The following CELF4 variants were observed in gnomAD, a reference collection of about 807,000 sequenced individuals.
CELF4 encodes the protein CUG-BP- and ETR-3-like factor 4.
Under a neutral mutation model 59.9 loss-of-function variants are expected in CELF4, and 18 were observed. That is an observed-to-expected ratio of 0.30 (90% CI 0.21 to 0.45). The LOEUF is 0.45. Ranked by LOEUF, CELF4 falls within the 20% of genes least tolerant of loss-of-function variation. The pLI is 1.00. For missense variants in CELF4, 456 were observed against 689.0 expected (o/e 0.66, Z 3.79); for synonymous variants, 261 against 267.1 (o/e 0.98, Z 0.22).
At position 37,243,616 on chromosome 18, in the gene CELF4, A is replaced by AAAG. The variant is rs1467800855; in HGVS notation, c.*1623_*1625dup. The AAAG allele has an allele frequency of 6.6e-6, 1 of 152,242 alleles. No individual in the cohort carries two copies. The highest frequency in any genetic ancestry group is 1.5e-5 in the Non-Finnish European group (1 of 68,052). The allele number at this position is 152,242 out of a possible 1,614,324, so 9.4% of individuals were successfully genotyped here. On this transcript the variant is annotated 3_prime_UTR_variant, in exon 13 of 13. Coordinates refer to ENST00000420428, the MANE Select transcript of CELF4 (RefSeq NM_020180.4). ...GTTTTTTTCTCTATCATTACAATTA[A>AAAG]AAGTCCTACAAAATATGCAAATTTA...
At chr18:37,266,173 T>A (rs369344064) in intron 9 of CELF4, 7 of 405,896 alleles carry the variant, frequency 1.7e-5, no homozygotes, top group Admixed American at 4.0e-5. Flanking sequence ...AGCATCCAGG[T>A]CCAGCCTCGC....
At chr18:37,558,352 C>T (rs921697087) in intron 1 of CELF4, among the ~76,000 whole-genome samples, 5 of 148,898 alleles carry the variant, frequency 3.4e-5, no homozygotes, top group African/African-American at 1.2e-4. Flanking sequence ...ACTGGAAATT[C>T]CTCTGCAGCT....
At chr18:37,387,325 C>G (rs993916684) in intron 2 of CELF4, among the ~76,000 whole-genome samples, 1 of 152,216 alleles carries the variant, frequency 6.6e-6, no homozygotes, top group Non-Finnish European at 1.5e-5. Context: ...ACCAGCAGAG[C>G]AGCAAGGGGC....
rs1410526079 is a variant in CELF4 at position 37,271,330 on chromosome 18, C to T, written c.950-413G>A. Among the ~76,000 whole-genome samples the T allele has an allele frequency of 4.1e-5, 6 of 144,938 alleles. No individual in the cohort carries two copies. In the South Asian group the frequency reaches 1.1e-3, roughly 27 times the overall value. Reference sequence around the variant, plus strand: ...AGTACAGTGGTGCAATCTCAGCTCACTGCAACCTCCACCTCCTGGGTTCAA... The same window carrying T: ...AGTACAGTGGTGCAATCTCAGCTCATTGCAACCTCCACCTCCTGGGTTCAA... On this transcript the variant is annotated intron_variant, in intron 7 of 12. Coordinates refer to ENST00000420428, the MANE Select transcript of CELF4 (RefSeq NM_020180.4).
At chr18:37,516,312 C>T (rs1444039212) in intron 1 of CELF4, among the ~76,000 whole-genome samples, 1 of 152,060 alleles carries the variant, frequency 6.6e-6, no homozygotes, top group African/African-American at 2.4e-5. Context: ...ACCACCCATC[C>T]CACCACTGTT....
chr18:37,457,256 T>C (rs574762231), intron 2 of CELF4, among the ~76,000 whole-genome samples: 13 of 152,272 alleles, frequency 8.5e-5, no homozygotes, highest in African/African-American at 2.9e-4. Context: ...CAGCGGCTGA[T>C]CGTGGCCCCT....
intron 2 of CELF4, among the ~76,000 whole-genome samples, chr18:37,385,369 A>AAAAG (rs1569568357): frequency 6.6e-6 from 1 of 151,396 alleles, no homozygotes; most frequent in Admixed American, 6.6e-5. Context: ...AAAAAAAAAA[A>AAAAG]AAAGAAAGAA....
chr18:37,484,590 A>T (rs1453302145), intron 2 of CELF4, among the ~76,000 whole-genome samples: 2 of 152,198 alleles, frequency 1.3e-5, no homozygotes, highest in African/African-American at 4.8e-5. Flanking sequence ...TAAACGAGTA[A>T]AGAAAGATCT....
chr18:37,361,550 T>G (rs1003821417), intron 2 of CELF4, among the ~76,000 whole-genome samples: 3 of 152,150 alleles, frequency 2.0e-5, no homozygotes, highest in African/African-American at 7.2e-5. Context: ...GTCTTGGCTG[T>G]TAACAAAATT....
At chr18:37,397,122 C>G (rs1372061633) in intron 2 of CELF4, among the ~76,000 whole-genome samples, 1 of 152,090 alleles carries the variant, frequency 6.6e-6, no homozygotes, top group Non-Finnish European at 1.5e-5. Flanking sequence ...CCCCACAAAC[C>G]CTCATGCCTC....
At chr18:37,331,082 G>C (rs1603511695) in intron 2 of CELF4, among the ~76,000 whole-genome samples, 1 of 152,170 alleles carries the variant, frequency 6.6e-6, no homozygotes, top group Non-Finnish European at 1.5e-5. Context: ...TGTTGGGTCA[G>C]GACACATACC....
At chr18:37,313,248 C>T (rs1466611430) in intron 3 of CELF4, among the ~76,000 whole-genome samples, 4 of 152,122 alleles carry the variant, frequency 2.6e-5, no homozygotes, top group Non-Finnish European at 5.9e-5. Flanking sequence ...ATGGACTCAG[C>T]GTAATTTCAG....
At chr18:37,431,517 G>A (rs1478761294) in intron 2 of CELF4, among the ~76,000 whole-genome samples, 21 of 151,728 alleles carry the variant, frequency 1.4e-4, no homozygotes, top group South Asian at 2.1e-4. Context: ...ACAGGCGCCC[G>A]CCACCACGCC....
At chr18:37,452,585 CT>C (rs964795203) in intron 2 of CELF4, among the ~76,000 whole-genome samples, 14 of 152,266 alleles carry the variant, frequency 9.2e-5, no homozygotes, top group African/African-American at 3.4e-4. Context: ...AGGATTTCTG[CT>C]TGAGAGTCTG....
rs953239034 is a variant in CELF4 at position 37,290,464 on chromosome 18, C to A, written c.449-15221G>T. ...AGTAAAACATCTGTCAAGGGGGGCA[C>A]TGATGAATTTTTGATGTTAAAAATG... On this transcript the variant is annotated intron_variant, in intron 3 of 12. Coordinates refer to ENST00000420428, the MANE Select transcript of CELF4 (RefSeq NM_020180.4). 3.9e-5 allele frequency among the ~76,000 whole-genome samples: 6 copies of A among 152,174 alleles called. No homozygotes were observed. In the South Asian group the frequency reaches 1.2e-3, roughly 32 times the overall value.
At chr18:37,366,503 A>C (rs1042502099) in intron 2 of CELF4, among the ~76,000 whole-genome samples, 1 of 152,146 alleles carries the variant, frequency 6.6e-6, no homozygotes, top group African/African-American at 2.4e-5. Context: ...CAGGGGCTGC[A>C]GTGTGCCCGA....
chr18:37,523,022 G>A (rs1476928111), intron 1 of CELF4, among the ~76,000 whole-genome samples: 1 of 152,114 alleles, frequency 6.6e-6, no homozygotes, highest in East Asian at 1.9e-4. Flanking sequence ...TGATCATTTC[G>A]CAGTGGAGAC....
At chr18:37,472,317 C>T (rs538749571) in intron 2 of CELF4, among the ~76,000 whole-genome samples, 11 of 152,312 alleles carry the variant, frequency 7.2e-5, no homozygotes, top group East Asian at 1.9e-4. Context: ...CCCCTCCCTG[C>T]GGCCAGCCCT....
chr18:37,468,860 G>A (rs2099814846), intron 2 of CELF4, among the ~76,000 whole-genome samples: 2 of 152,046 alleles, frequency 1.3e-5, no homozygotes, highest in Admixed American at 1.3e-4. Flanking sequence ...AACAGCATGG[G>A]GGAAACCACA....
Sources: gnomAD v4.1 joint callset for allele counts (sites outside exome capture counted in the v4.1 genomes callset) on GRCh38, gnomAD v4.1.1 for gene constraint, MANE v1.5 for transcripts, NCBI Gene and HGNC (gene_info 2026-07-23, HGNC 2026-07-21) for gene names.